AGXT: variants seen among roughly 807,000 people sequenced by gnomAD.
AGXT encodes alanine--glyoxylate aminotransferase.
A neutral mutation model predicts 46.9 loss-of-function variants in AGXT; 41 were observed. The ratio of observed to expected loss-of-function variants is 0.88; its 90% confidence interval spans 0.68 to 1.14. The LOEUF is 1.14. AGXT is among the 50% of genes most tolerant of loss of function. The pLI is 0.00. For synonymous variants in AGXT, 244 were observed against 227.9 expected (o/e 1.07, Z -0.64); for missense variants, 525 against 522.7 (o/e 1.00, Z -0.04).
chr2:240,874,144 GCCAGGCAGGAA>G, intron 6 of AGXT, 82 bp downstream of exon 6: 10 of 1,417,682 alleles, frequency 7.1e-6, no homozygotes, highest in Non-Finnish European at 9.9e-6. Context: ...AGGGGCGGGA[GCCAGGCAGGAA>G]GGGCTCCCCA....
intron 10 of AGXT, 39 bp downstream of exon 10, chr2:240,878,189 AACCCGCC>A: frequency 6.2e-7 from 1 of 1,609,132 alleles, no homozygotes; most frequent in East Asian, 2.2e-5. Context: ...GCAGAAACCA[AACCCGCC>A]ACCCCTCCTT....
At chr2:240,877,467 C>A in intron 8 of AGXT, 70 bp from the exon 9 acceptor site, 2 of 1,406,288 alleles carry the variant, frequency 1.4e-6, no homozygotes, top group Non-Finnish European at 1.9e-6. Flanking sequence ...CTTCCTCCCG[C>A]ACCACAGAGG....
intron 8 of AGXT, chr2:240,877,144 G>C (rs1223657071): frequency 4.9e-6 from 2 of 405,382 alleles, no homozygotes; most frequent in Admixed American, 5.9e-5. Flanking sequence ...ATGCCAGGTC[G>C]GGGGAGCTGG....
rs2059022643 is a variant in AGXT, at chr2:240,875,972, C to G, written c.814C>G (p.Leu272Val). Residue 272 changes from leucine (L) to valine (V), a missense_variant, in exon 8 of 11, where the codon CTG (leucine) becomes GTG (valine). Physicochemically the swap from Leu to Val is conservative, Grantham distance 32. Transcript: ENST00000307503. ...AATCCCCGTCATCAGCCTGTACAGC[C>G]TGAGAGAGAGCCTGGCCCTCATTGC... ...HTIPVISLYS[L>V]RESLALIAEQ... 6.2e-7 allele frequency: 1 copy of G among 1,614,100 alleles called. No homozygotes were observed. The highest frequency in any genetic ancestry group is 1.3e-5 in the African/African-American group (1 of 74,934).
chr2:240,873,591 A>C, intron 5 of AGXT: 2 of 310,186 alleles, frequency 6.4e-6, no homozygotes, highest in East Asian at 8.4e-5. Context: ...ACTCCATGGG[A>C]GCCTGTCTGT....
intron 10 of AGXT, 89 bp downstream of exon 10, chr2:240,878,239 CG>C (rs1269245193): frequency 1.4e-5 from 22 of 1,555,284 alleles, no homozygotes; most frequent in Non-Finnish European, 1.9e-5. Flanking sequence ...CAGGGGAGGC[CG>C]GGGTCATCCG....
At position 240,878,267 on chromosome 2, in the gene AGXT, G is replaced by A. The variant is rs1419000616; in HGVS notation, c.1071+117G>A. ...GGTCATCCGAAAGCCCAGATTGCAGGAGCGTCCAGAAGGGCCCACTCTCCA... is the reference window on the plus strand; with the variant it reads ...GGTCATCCGAAAGCCCAGATTGCAGAAGCGTCCAGAAGGGCCCACTCTCCA... On this transcript the variant is annotated intron_variant, in intron 10 of 10. Coordinates refer to ENST00000307503, the MANE Select transcript of AGXT (RefSeq NM_000030.3). 3 of 1,456,572 alleles carry A rather than the reference G, an allele frequency of 2.1e-6. No individual in the cohort carries two copies. In the African/African-American group the frequency reaches 4.2e-5, roughly 20 times the overall value. The allele number at this position is 1,456,572 out of a possible 1,614,324, so 90.2% of individuals were successfully genotyped here. A position where few individuals can be genotyped will look rare whatever the true frequency, so the allele number is the denominator to read the frequency against.
intron 9 of AGXT, 139 bp from the exon 10 acceptor site, chr2:240,877,883 G>A (rs2059036116): frequency 8.2e-7 from 1 of 1,226,744 alleles, no homozygotes. Flanking sequence ...CTAAGGGGTG[G>A]GGTCCCTGCT....
intron 2 of AGXT, 105 bp downstream of exon 2, chr2:240,869,467 A>C: frequency 3.0e-6 from 4 of 1,340,170 alleles, no homozygotes; most frequent in Non-Finnish European, 4.0e-6. Flanking sequence ...GTGAGCGCTT[A>C]CCCACCTTGT....
Position 240,869,197 on chromosome 2 carries a change from C to T in AGXT, c.193C>T (p.Gln65Ter). The T allele has an allele frequency of 6.6e-7, 1 of 1,518,158 alleles. No homozygotes were observed. The highest frequency in any genetic ancestry group is 1.1e-5 in the South Asian group (1 of 89,034). 94.0% of individuals were successfully genotyped at this position (1,518,158 alleles called of 1,614,324 possible). ...CATGGACGAGATCAAGGAAGGCATC[C>T]AGTACGTGTTCCAGACCAGGAACCC... ...QIMDEIKEGI[Q>*]YVFQTRNPLT... is the part of the protein sequence containing the mutation. The change falls in exon 2 of 11, where the codon CAG becomes TAG. Residue 65 changes from glutamine (Q) to a stop codon, truncating the protein, a stop_gained. Transcript: ENST00000307503. LOFTEE classifies it high-confidence loss of function.
rs962969778 is a variant in AGXT, at chr2:240,870,722, G to C, written c.423+14G>C. ...GAGGTGGAGGAGGTAGGGGACCCGG[G>C]GTGGGGGTCAGGGCCGGGAGGAGGT... On this transcript the variant is annotated intron_variant, in intron 3 of 10. Transcript: ENST00000307503. 11 of 1,553,256 alleles carry C rather than the reference G, an allele frequency of 7.1e-6. No homozygotes were observed. The Admixed American group carries it at 1.6e-4, about 22-fold the overall frequency.
rs759060684 is a variant in AGXT at position 240,878,066 on chromosome 2, C to T, written c.987C>T (p.Gly329=). ...TCACCACTGTGGCTGTACCCGCTGG[C>T]TATGACTGGAGAGACATCGTCAGCT... is the stretch of plus-strand genomic sequence containing the variant. ...PTVTTVAVPA[G]YDWRDIVSYV... The change falls in exon 10 of 11, where the codon GGC becomes GGT. Residue 329 remains glycine (G), a synonymous_variant. Transcript: ENST00000307503. 1.7e-5 allele frequency: 28 copies of T among 1,613,242 alleles called. No homozygotes were observed. Among genetic ancestry groups the T allele is most frequent in the Non-Finnish European group, 2.3e-5 (27 of 1,180,024 alleles).
rs374029419 is a variant in AGXT, at chr2:240,875,138, C to T, written c.710C>T (p.Pro237Leu). 7 of 1,613,728 alleles carry T rather than the reference C, an allele frequency of 4.3e-6. No homozygotes were observed. Among genetic ancestry groups the T allele is most frequent in the African/African-American group, 4.0e-5 (3 of 74,932 alleles). The change falls in exon 7 of 11, where the codon CCC becomes CTC. Residue 237 changes from proline (P) to leucine (L), a missense_variant. Transcript: ENST00000307503. ...KKKMYSRKTK[P>L]FSFYLDIKWL... is the part of the protein sequence containing the mutation. Reference sequence around the variant, plus strand: ...AAGATGTACTCCCGCAAGACGAAGCCCTTCTCCTTCTACCTGGACATCAAG... The same window carrying T: ...AAGATGTACTCCCGCAAGACGAAGCTCTTCTCCTTCTACCTGGACATCAAG...
In AGXT at chr2:240,876,009, A is replaced by C. The variant is rs200916936; in HGVS notation, c.846+5A>C. 1 of 1,613,942 alleles carries C rather than the reference A, an allele frequency of 6.2e-7. No homozygotes were observed. Among genetic ancestry groups the C allele is most frequent in the South Asian group, 1.1e-5 (1 of 91,050 alleles). On this transcript the variant is annotated splice_donor_5th_base_variant and intron_variant, in intron 8 of 10. Coordinates refer to ENST00000307503, the MANE Select transcript of AGXT (RefSeq NM_000030.3). Reference sequence around the variant, plus strand: ...CTGGCCCTCATTGCGGAACAGGTGCATGGGCTGCACTCCACAGGAGGAGAC... The same window carrying C: ...CTGGCCCTCATTGCGGAACAGGTGCCTGGGCTGCACTCCACAGGAGGAGAC...
At chr2:240,870,557 G>A in intron 2 of AGXT, 87 bp from the exon 3 acceptor site, 1 of 1,485,584 alleles carries the variant, frequency 6.7e-7, no homozygotes, top group East Asian at 2.5e-5. Context: ...GCCCTCACAG[G>A]GCCCTGCTCA....
rs376684240 is a variant in AGXT, at chr2:240,868,947, C to T, written c.82C>T (p.Pro28Ser). The T allele has an allele frequency of 2.6e-5, 42 of 1,612,942 alleles. No homozygotes were observed. The highest frequency in any genetic ancestry group is 3.3e-4 in the Middle Eastern group (2 of 6,084). Residue 28 changes from proline (P) to serine (S), a missense_variant, in exon 1 of 11, where the codon CCT becomes TCT. By Grantham distance (74) the Pro-to-Ser change is moderately conservative. Transcript: ENST00000307503. Reference sequence around the variant, plus strand: ...CATCCCCAACCAGCTCCTGCTGGGGCCTGGTCCTTCCAACCTGCCTCCTCG... The same window carrying T: ...CATCCCCAACCAGCTCCTGCTGGGGTCTGGTCCTTCCAACCTGCCTCCTCG... ...LSIPNQLLLG[P>S]GPSNLPPRIM...
intron 6 of AGXT, among the ~76,000 whole-genome samples, 170 bp downstream of exon 6, chr2:240,874,232 G>A (rs2059008695): frequency 6.6e-6 from 1 of 152,252 alleles, no homozygotes; most frequent in African/African-American, 2.4e-5. Flanking sequence ...CGTTCACAGG[G>A]AGTGGGGAGG....
chr2:240,878,619 C>T (rs1033936202), intron 10 of AGXT, 95 bp from the exon 11 acceptor site: 1 of 1,220,908 alleles, frequency 8.2e-7, no homozygotes, highest in African/African-American at 1.5e-5. Flanking sequence ...GTGGTCCTCA[C>T]TCAGGTGAGC....
intron 4 of AGXT, among the ~76,000 whole-genome samples, 174 bp downstream of exon 4, chr2:240,871,623 A>G (rs2058991364): frequency 6.6e-6 from 1 of 152,092 alleles, no homozygotes; most frequent in African/African-American, 2.4e-5. Context: ...GAGTCTAAAG[A>G]CAACCCCAGG....
Sources: gnomAD v4.1 joint callset for allele counts (sites outside exome capture counted in the v4.1 genomes callset) on GRCh38, gnomAD v4.1.1 for gene constraint, MANE v1.5 for transcripts, NCBI Gene and HGNC (gene_info 2026-07-23, HGNC 2026-07-21) for gene names.